The following MARCHF1 variants were observed in gnomAD, a reference collection of about 807,000 sequenced individuals.
MARCHF1 encodes the protein membrane associated ring-CH-type finger 1.
Under a neutral mutation model 54.2 loss-of-function variants are expected in MARCHF1, and 40 were observed. That is an observed-to-expected ratio of 0.74 (90% CI 0.57 to 0.96). The LOEUF (loss-of-function observed/expected upper bound fraction) is 0.96. Among genes scored for constraint, MARCHF1 ranks in the 40% least tolerant of loss-of-function variants. The probability of loss-of-function intolerance (pLI) is 0.00; values close to 1 mark genes in which losing one functional copy is unlikely to be tolerated. For synonymous variants in MARCHF1, 236 were observed against 236.3 expected (o/e 1.00, Z 0.01); for missense variants, 586 against 656.5 (o/e 0.89, Z 1.17).
chr4:163,542,474 A>C (rs1242480571), intron 9 of MARCHF1, among the ~76,000 whole-genome samples: 1 of 152,224 alleles, frequency 6.6e-6, no homozygotes, highest in Non-Finnish European at 1.5e-5. Flanking sequence ...CAGCTTCCCT[A>C]GCTGCATGAT....
At chr4:163,605,351 A>G (rs1365939984) in intron 7 of MARCHF1, among the ~76,000 whole-genome samples, 1 of 152,218 alleles carries the variant, frequency 6.6e-6, no homozygotes, top group African/African-American at 2.4e-5. Flanking sequence ...CAAAACCACA[A>G]TGAGATACCA....
chr4:163,850,510 C>T (rs1749613097), intron 4 of MARCHF1, among the ~76,000 whole-genome samples: 1 of 152,182 alleles, frequency 6.6e-6, no homozygotes, highest in Admixed American at 6.5e-5. Flanking sequence ...GTTAAAACTG[C>T]TGGTTTTCTT....
At chr4:164,259,912 A>G (rs990689064) in intron 1 of MARCHF1, among the ~76,000 whole-genome samples, 2 of 152,268 alleles carry the variant, frequency 1.3e-5, no homozygotes, top group African/African-American at 4.8e-5. Flanking sequence ...ACAGAGAAAA[A>G]TTCTGGTCTA....
chr4:163,533,120 GTGAA>G (rs1425281650), intron 9 of MARCHF1, among the ~76,000 whole-genome samples: 1 of 151,964 alleles, frequency 6.6e-6, no homozygotes, highest in African/African-American at 2.4e-5. Flanking sequence ...TTTTCAATCT[GTGAA>G]TGAATAAACT....
At chr4:163,765,294 G>T (rs1484917566) in intron 4 of MARCHF1, among the ~76,000 whole-genome samples, 1 of 152,040 alleles carries the variant, frequency 6.6e-6, no homozygotes, top group East Asian at 1.9e-4. Context: ...CATAAAAATT[G>T]AGAGTACAGT....
chr4:163,604,830 C>T (rs1355354842), intron 7 of MARCHF1, among the ~76,000 whole-genome samples: 2 of 152,066 alleles, frequency 1.3e-5, no homozygotes, highest in Non-Finnish European at 2.9e-5. Context: ...GAACAGGTTA[C>T]CCCTTCTCTT....
At chr4:163,837,621 G>A (rs538646586) in intron 4 of MARCHF1, among the ~76,000 whole-genome samples, 1 of 151,156 alleles carries the variant, frequency 6.6e-6, no homozygotes, top group South Asian at 2.1e-4. Flanking sequence ...ATACACAAAA[G>A]AATATATAAA....
At chr4:163,736,281 A>G (rs1746031517) in intron 4 of MARCHF1, among the ~76,000 whole-genome samples, 2 of 152,130 alleles carry the variant, frequency 1.3e-5, no homozygotes, top group Admixed American at 6.6e-5. Context: ...ACTGCATACT[A>G]TATCAGTTAA....
intron 4 of MARCHF1, among the ~76,000 whole-genome samples, chr4:163,848,936 C>T (rs1251733774): frequency 6.6e-6 from 1 of 152,138 alleles, no homozygotes; most frequent in African/African-American, 2.4e-5. Context: ...GGCGGTGAGA[C>T]TGGCTATAAG....
At chr4:163,539,000 CTTTTA>C (rs1738630395) in intron 9 of MARCHF1, among the ~76,000 whole-genome samples, 1 of 122,528 alleles carries the variant, frequency 8.2e-6, no homozygotes. Context: ...TCTCCTGATG[CTTTTA>C]TTTATTTATT....
intron 2 of MARCHF1, among the ~76,000 whole-genome samples, chr4:164,072,313 C>G (rs367900751): frequency 1.3e-5 from 2 of 152,118 alleles, no homozygotes; most frequent in African/African-American, 4.8e-5. Context: ...AGACTAGGTG[C>G]GATGGCTCAT....
chr4:164,270,984 A>C lies in MARCHF1; in HGVS notation c.-323+112886T>G, dbSNP rs548242964. Among the ~76,000 whole-genome samples, 6 of 152,296 alleles carry C rather than the reference A, an allele frequency of 3.9e-5. No homozygotes were observed. In the South Asian group the frequency reaches 1.2e-3, roughly 32 times the overall value. On this transcript the variant is annotated intron_variant, in intron 1 of 9. Transcript: ENST00000514618. The stretch of plus-strand genomic sequence containing the variant: ...ATTGAGCTTAAAGTTGCAAAAATAA[A>C]CTCATGTACCATAATTCATGAGTAG...
chr4:164,106,768 AAAATAAAAAAT>A (rs1379356849), intron 2 of MARCHF1, among the ~76,000 whole-genome samples: 10 of 59,206 alleles, frequency 1.7e-4, no homozygotes, highest in Admixed American at 7.5e-4. Flanking sequence ...AAGTATAATA[AAAATAAAAAAT>A]AAAAAAAAAA....
rs573814974 is a variant in MARCHF1, at chr4:164,153,647, T to C, written c.-322-41985A>G. Reference sequence around the variant, plus strand: ...CACTTTTATGCAAAAGCATTCTCCATAGACAAAATATGCTGATTTTATACA... The same window carrying C: ...CACTTTTATGCAAAAGCATTCTCCACAGACAAAATATGCTGATTTTATACA... On this transcript the variant is annotated intron_variant, in intron 1 of 9. Coordinates refer to ENST00000514618, the MANE Select transcript of MARCHF1 (RefSeq NM_001394959.1). Among the ~76,000 whole-genome samples the C allele has an allele frequency of 1.8e-3, 269 of 152,244 alleles. 2 individuals are homozygous for C. Among genetic ancestry groups the C allele is most frequent in the African/African-American group, 6.0e-3 (251 of 41,568 alleles).
chr4:163,727,505 CTG>C (rs1271042811), intron 4 of MARCHF1, among the ~76,000 whole-genome samples: 2 of 151,994 alleles, frequency 1.3e-5, no homozygotes, highest in Non-Finnish European at 2.9e-5. Flanking sequence ...TGGGGTTTCA[CTG>C]TGTCAGCCAG....
rs576160331 is a variant in MARCHF1, at chr4:164,188,283, C to A, written c.-322-76621G>T. On this transcript the variant is annotated intron_variant, in intron 1 of 9. Coordinates refer to ENST00000514618, the MANE Select transcript of MARCHF1 (RefSeq NM_001394959.1). ...GACCGACCGACCGACTGGGGTGTTTCGCAATTGTGAGAGGCGGGTAACCGC... is the reference window on the plus strand; with the variant it reads ...GACCGACCGACCGACTGGGGTGTTTAGCAATTGTGAGAGGCGGGTAACCGC... 5 of 303,780 alleles carry A rather than the reference C, an allele frequency of 1.6e-5. No individual in the cohort carries two copies. In the South Asian group the frequency reaches 1.9e-4, roughly 12 times the overall value. 18.8% of individuals were successfully genotyped at this position (303,780 alleles called of 1,614,324 possible).
At chr4:163,762,112 G>A (rs1383990553) in intron 4 of MARCHF1, among the ~76,000 whole-genome samples, 1 of 152,140 alleles carries the variant, frequency 6.6e-6, no homozygotes, top group Non-Finnish European at 1.5e-5. Flanking sequence ...GTGACTCTCT[G>A]TATAATCCCA....
chr4:164,143,641 C>T (rs527320734), intron 1 of MARCHF1, among the ~76,000 whole-genome samples: 1 of 152,106 alleles, frequency 6.6e-6, no homozygotes, highest in Admixed American at 6.6e-5. Context: ...CTGTCACCAC[C>T]AGGCCTGCCC....
At chr4:163,877,918 G>C (rs1434449099) in intron 3 of MARCHF1, among the ~76,000 whole-genome samples, 1 of 152,164 alleles carries the variant, frequency 6.6e-6, no homozygotes, top group Non-Finnish European at 1.5e-5. Flanking sequence ...GCCTTTATGT[G>C]GGGGTGAAAG....
Sources: gnomAD v4.1 joint callset for allele counts (sites outside exome capture counted in the v4.1 genomes callset) on GRCh38, gnomAD v4.1.1 for gene constraint, MANE v1.5 for transcripts, NCBI Gene and HGNC (gene_info 2026-07-23, HGNC 2026-07-21) for gene names.